CSMD1: variants seen among roughly 807,000 people sequenced by gnomAD.
CSMD1 encodes CUB and sushi domain-containing protein 1.
CSMD1 carries 213 observed loss-of-function variants against 417.5 expected under a neutral mutation model. The ratio of observed to expected loss-of-function variants is 0.51; its 90% CI spans 0.46 to 0.57. The LOEUF (loss-of-function observed/expected upper bound fraction) is 0.57, where lower values mean the gene tolerates loss of function less well. Ranked by LOEUF, CSMD1 falls within the 20% of genes least tolerant of loss-of-function variation. The pLI, the probability that CSMD1 is intolerant of heterozygous loss-of-function variation, is 0.00. For missense variants in CSMD1, 6,923 were observed against 4,529.7 expected (o/e 1.53, Z -15.17); for synonymous variants, 2,862 against 1,736.8 (o/e 1.65, Z -16.11).
chr8:3,184,001 G>A (rs989749247), intron 36 of CSMD1, among the ~76,000 whole-genome samples: 9 of 152,084 alleles, frequency 5.9e-5, no homozygotes, highest in South Asian at 2.1e-4. Context: ...ATGTATATAT[G>A]ATGAGACATG....
intron 12 of CSMD1, among the ~76,000 whole-genome samples, chr8:3,425,414 C>G (rs1457128911): frequency 1.3e-5 from 2 of 151,742 alleles, no homozygotes; most frequent in South Asian, 2.1e-4. Context: ...ATGGTGAAAC[C>G]CTGTCTCTAC....
rs1046485786 is a variant in CSMD1 at position 4,994,648 on chromosome 8, C to T, written c.-232G>A. ...CTGAGCTGCTCCGAGCGCGGAGACC[C>T]GGGCTGGCGGGGCCGGGGCCGGGGA... On this transcript the variant is annotated 5_prime_UTR_variant, in exon 1 of 70. Transcript: ENST00000635120. The T allele has an allele frequency of 2.3e-6, 1 of 425,876 alleles. No individual in the cohort carries two copies. The highest frequency in any genetic ancestry group is 4.2e-6 in the Non-Finnish European group (1 of 238,654). 26.4% of individuals were successfully genotyped at this position (425,876 alleles called of 1,614,324 possible).
chr8:3,630,875 T>C (rs1345995720), intron 7 of CSMD1, among the ~76,000 whole-genome samples: 1 of 152,152 alleles, frequency 6.6e-6, no homozygotes, highest in East Asian at 1.9e-4. Flanking sequence ...AGTTGGTCTG[T>C]TGGTTATATG....
chr8:4,285,706 A>C (rs919562343), intron 3 of CSMD1, among the ~76,000 whole-genome samples: 2 of 152,138 alleles, frequency 1.3e-5, no homozygotes, highest in Non-Finnish European at 2.9e-5. Context: ...AGAACTAGTA[A>C]AACAGTCAGG....
intron 2 of CSMD1, among the ~76,000 whole-genome samples, chr8:4,556,487 G>A (rs765570071): frequency 6.6e-6 from 1 of 152,080 alleles, no homozygotes; most frequent in African/African-American, 2.4e-5. Context: ...CATGAGGAAA[G>A]TCTCGAGCAG....
At chr8:3,440,646 C>T (rs1814915213) in intron 12 of CSMD1, among the ~76,000 whole-genome samples, 1 of 152,118 alleles carries the variant, frequency 6.6e-6, no homozygotes, top group Non-Finnish European at 1.5e-5. Flanking sequence ...TTTCTCTTAT[C>T]CTTGCAATTT....
intron 2 of CSMD1, among the ~76,000 whole-genome samples, chr8:4,536,968 T>C (rs1234657592): frequency 6.6e-6 from 1 of 152,208 alleles, no homozygotes; most frequent in Non-Finnish European, 1.5e-5. Context: ...TGGCATATCA[T>C]GATTATCATT....
At chr8:3,597,333 T>C (rs991386981) in intron 8 of CSMD1, among the ~76,000 whole-genome samples, 1 of 152,076 alleles carries the variant, frequency 6.6e-6, no homozygotes, top group Admixed American at 6.5e-5. Flanking sequence ...GGCATCTCTG[T>C]CTGGTTCCAA....
At chr8:3,186,354 A>G (rs1437612797) in intron 36 of CSMD1, among the ~76,000 whole-genome samples, 1 of 152,200 alleles carries the variant, frequency 6.6e-6, no homozygotes, top group Non-Finnish European at 1.5e-5. Context: ...TCTAGCTTTT[A>G]AGGACAGTAA....
At chr8:3,093,137 G>A (rs1320122524) in intron 47 of CSMD1, among the ~76,000 whole-genome samples, 3 of 152,138 alleles carry the variant, frequency 2.0e-5, no homozygotes, top group Admixed American at 1.3e-4. Context: ...GCTTGGAAAT[G>A]TGACTTTAAA....
chr8:4,931,041 T>C (rs957598739), intron 1 of CSMD1, among the ~76,000 whole-genome samples: 18 of 152,208 alleles, frequency 1.2e-4, no homozygotes, highest in Admixed American at 1.0e-3. Context: ...AATCTGCCCT[T>C]ACAAATCCTT....
At chr8:3,803,808 G>C (rs78231878) in intron 5 of CSMD1, among the ~76,000 whole-genome samples, 5 of 152,098 alleles carry the variant, frequency 3.3e-5, no homozygotes, top group Non-Finnish European at 5.9e-5. Flanking sequence ...CTACTATGTG[G>C]AGAATGGACC....
At chr8:4,151,892 G>C (rs1038551161) in intron 3 of CSMD1, among the ~76,000 whole-genome samples, 13 of 152,070 alleles carry the variant, frequency 8.5e-5, no homozygotes, top group African/African-American at 2.7e-4. Context: ...AAATATTAGA[G>C]GGCAGAGAAG....
At position 3,214,484 on chromosome 8, in the gene CSMD1, A is replaced by C. The variant is rs1377149015; in HGVS notation, c.4867+13T>G. 1.9e-6 allele frequency: 3 copies of C among 1,566,218 alleles called. No homozygotes were observed. Among genetic ancestry groups the C allele is most frequent in the African/African-American group, 1.4e-5 (1 of 73,606 alleles). On this transcript the variant is annotated intron_variant, in intron 30 of 69. Transcript: ENST00000635120. Reference sequence around the variant, plus strand: ...AAGTTGTATTTCTAGAAAATACCCAAGCGTGCACTCACCATTGCAGGAGGG... The same window carrying C: ...AAGTTGTATTTCTAGAAAATACCCACGCGTGCACTCACCATTGCAGGAGGG...
At chr8:4,130,560 A>G (rs1041564728) in intron 3 of CSMD1, among the ~76,000 whole-genome samples, 2 of 152,124 alleles carry the variant, frequency 1.3e-5, no homozygotes, top group Non-Finnish European at 2.9e-5. Flanking sequence ...TTTTAAATCA[A>G]TTACCACTGA....
At chr8:3,025,469 T>C (rs1809800043) in intron 51 of CSMD1, among the ~76,000 whole-genome samples, 2 of 152,324 alleles carry the variant, frequency 1.3e-5, no homozygotes, top group Middle Eastern at 3.4e-3. Context: ...AAACTGTGTA[T>C]TGTGTGGTGT....
intron 53 of CSMD1, among the ~76,000 whole-genome samples, chr8:2,998,909 C>A (rs1274688508): frequency 6.6e-6 from 1 of 152,160 alleles, no homozygotes; most frequent in Non-Finnish European, 1.5e-5. Context: ...TACCCGTGAA[C>A]TTTGTACATT....
chr8:3,553,812 T>C (rs992547616), intron 10 of CSMD1, among the ~76,000 whole-genome samples: 5 of 152,230 alleles, frequency 3.3e-5, no homozygotes, highest in Non-Finnish European at 7.3e-5. Flanking sequence ...TTTCACAGAA[T>C]ATTTATAATA....
chr8:4,147,110 C>T (rs541036101), intron 3 of CSMD1, among the ~76,000 whole-genome samples: 1 of 151,912 alleles, frequency 6.6e-6, no homozygotes, highest in African/African-American at 2.4e-5. Flanking sequence ...GAACCATCCC[C>T]TCCTGACCAA....
Sources: gnomAD v4.1 joint callset for allele counts (sites outside exome capture counted in the v4.1 genomes callset) on GRCh38, gnomAD v4.1.1 for gene constraint, MANE v1.5 for transcripts, NCBI Gene and HGNC (gene_info 2026-07-23, HGNC 2026-07-21) for gene names.